NPEPPS: variants seen among roughly 807,000 people sequenced by gnomAD.
NPEPPS encodes aminopeptidase puromycin sensitive.
Under a neutral mutation model 115.5 loss-of-function variants are expected in NPEPPS, and 14 were observed. That is an observed-to-expected ratio of 0.12 (90% CI 0.08 to 0.19). The LOEUF is 0.19. Ranked by LOEUF, NPEPPS falls within the 10% of genes least tolerant of loss-of-function variation. The pLI is 1.00. For synonymous variants in NPEPPS, 285 were observed against 390.6 expected (o/e 0.73, Z 3.19); for missense variants, 523 against 1,110.8 (o/e 0.47, Z 7.52).
At chr17:47,564,601 T>G (rs1910673850) in intron 2 of NPEPPS, among the ~76,000 whole-genome samples, 2 of 150,366 alleles carry the variant, frequency 1.3e-5, no homozygotes, top group African/African-American at 4.9e-5. Context: ...TATTGCAAAC[T>G]GTATTAGTGA....
At position 47,612,540 on chromosome 17, in the gene NPEPPS, C is replaced by T. The variant is rs762616490; in HGVS notation, c.2176C>T (p.Arg726Cys). Residue 726 changes from arginine (R) to cysteine (C), a missense_variant, in exon 18 of 23, where the codon CGT becomes TGT. This residue lies in a region of NPEPPS where 372 missense variants were observed against 542.6 expected (regional missense o/e 0.69). Coordinates refer to ENST00000322157, the MANE Select transcript of NPEPPS (RefSeq NM_006310.4). Reference sequence around the variant, plus strand: ...ACATAAGGCAACGTTAGAAGAAGCCCGTCGTCGGTTTAAGGACCACGTGGA... The same window carrying T: ...ACATAAGGCAACGTTAGAAGAAGCCTGTCGTCGGTTTAAGGACCACGTGGA... Reference protein sequence around the residue: ...AGHKATLEEARRRFKDHVEGK... With the variant: ...AGHKATLEEACRRFKDHVEGK... 12 of 1,613,838 alleles carry T rather than the reference C, an allele frequency of 7.4e-6. No individual in the cohort carries two copies. In the African/African-American group the frequency reaches 1.2e-4, roughly 16 times the overall value.
intron 1 of NPEPPS, among the ~76,000 whole-genome samples, chr17:47,544,212 G>T (rs545697105): frequency 6.6e-6 from 1 of 152,008 alleles, no homozygotes; most frequent in African/African-American, 2.4e-5. Flanking sequence ...TGTATTTTTA[G>T]TGGAGATGGG....
intron 2 of NPEPPS, among the ~76,000 whole-genome samples, chr17:47,557,937 T>G (rs1302312050): frequency 2.3e-5 from 3 of 131,216 alleles, no homozygotes; most frequent in Non-Finnish European, 3.4e-5. Context: ...TGATTCCATG[T>G]TTTTTTTTTT....
At chr17:47,558,308 T>C (rs903467588) in intron 2 of NPEPPS, among the ~76,000 whole-genome samples, 87 of 151,922 alleles carry the variant, frequency 5.7e-4, no homozygotes, top group African/African-American at 2.0e-3. Flanking sequence ...TTTCTATTTT[T>C]AGTAGAGATG....
chr17:47,542,240 T>G (rs1174752250), intron 1 of NPEPPS, among the ~76,000 whole-genome samples: 1 of 152,096 alleles, frequency 6.6e-6, no homozygotes, highest in Non-Finnish European at 1.5e-5. Flanking sequence ...AATTTGTAGC[T>G]TTTTTAAAAA....
At position 47,622,457 on chromosome 17, in the gene NPEPPS, G is replaced by GA. The variant is rs1914638381; in HGVS notation, c.*539dup. On this transcript the variant is annotated 3_prime_UTR_variant, in exon 23 of 23. Coordinates refer to ENST00000322157, the MANE Select transcript of NPEPPS (RefSeq NM_006310.4). ...TTTTTTTGGCACGGGGACTGATCAG[G>GA]AAGATATATTCCTGCATAACTCAAT... The GA allele has an allele frequency of 5.4e-6, 1 of 186,718 alleles. No individual in the cohort carries two copies. The highest frequency in any genetic ancestry group is 2.4e-5 in the African/African-American group (1 of 41,190). 11.6% of individuals were successfully genotyped at this position (186,718 alleles called of 1,614,324 possible).
In NPEPPS at chr17:47,553,204, TA is replaced by T. The variant is rs911616609; in HGVS notation, c.340+7221del. Among the ~76,000 whole-genome samples, 629 of 145,186 alleles carry T rather than the reference TA, an allele frequency of 4.3e-3. 2 individuals carry two copies. Among genetic ancestry groups the T allele is most frequent in the African/African-American group, 0.015 (587 of 39,622 alleles). The stretch of plus-strand genomic sequence containing the variant: ...CAACATGGTGAAACCTCGTCTCTAC[TA>T]AAAAAAAAAGTACAAAAATTAGCTG... On this transcript the variant is annotated intron_variant, in intron 2 of 22. Transcript: ENST00000322157.
chr17:47,526,912 C>T (rs1195870275), upstream of NPEPPS, among the ~76,000 whole-genome samples: 2 of 152,066 alleles, frequency 1.3e-5, no homozygotes, highest in East Asian at 1.9e-4. Context: ...GAGCTGAGAT[C>T]GCGCCACTGC....
intron 2 of NPEPPS, among the ~76,000 whole-genome samples, chr17:47,561,145 T>G (rs1330751644): frequency 6.6e-6 from 1 of 152,162 alleles, no homozygotes; most frequent in Admixed American, 6.6e-5. Context: ...TTTTTTAATG[T>G]GGCCTCAGAA....
At chr17:47,618,271 G>T in intron 19 of NPEPPS, 79 bp from the exon 20 acceptor site, 1 of 878,382 alleles carries the variant, frequency 1.1e-6, no homozygotes, top group East Asian at 2.5e-5. Flanking sequence ...TTACCTTACT[G>T]GGGAAGAAGC....
intron 17 of NPEPPS, among the ~76,000 whole-genome samples, chr17:47,609,959 A>C (rs1913741507): frequency 6.6e-6 from 1 of 152,104 alleles, no homozygotes; most frequent in South Asian, 2.1e-4. Flanking sequence ...GTACTGCTGC[A>C]ATTCATCAGA....
chr17:47,544,121 C>T (rs1287782559), intron 1 of NPEPPS, among the ~76,000 whole-genome samples: 3 of 152,100 alleles, frequency 2.0e-5, no homozygotes, highest in African/African-American at 7.2e-5. Flanking sequence ...GTCTCGATCT[C>T]CTGACCTCAT....
chr17:47,573,069 C>T (rs1485640491), intron 3 of NPEPPS, among the ~76,000 whole-genome samples: 1 of 152,198 alleles, frequency 6.6e-6, no homozygotes, highest in Non-Finnish European at 1.5e-5. Flanking sequence ...TGCCACTGTG[C>T]CCGGCCAGAA....
chr17:47,548,214 A>G (rs534866917), intron 2 of NPEPPS: 2 of 152,334 alleles, frequency 1.3e-5, no homozygotes, highest in East Asian at 1.9e-4. Flanking sequence ...GCAGTTGAAC[A>G]TACTATTCCC....
intron 2 of NPEPPS, among the ~76,000 whole-genome samples, chr17:47,556,109 GGGTGTTTCTT>G (rs1910009741): frequency 7.3e-6 from 1 of 136,440 alleles, no homozygotes; most frequent in Non-Finnish European, 1.6e-5. Context: ...CATCATTCTT[GGGTGTTTCTT>G]GCAGAGGGGG....
At chr17:47,572,856 G>A (rs1459401217) in intron 3 of NPEPPS, among the ~76,000 whole-genome samples, 1 of 152,106 alleles carries the variant, frequency 6.6e-6, no homozygotes, top group Admixed American at 6.6e-5. Context: ...GCTCACCACA[G>A]CCTCCACCTC....
chr17:47,539,528 T>G (rs940640505), intron 1 of NPEPPS, among the ~76,000 whole-genome samples: 3 of 151,602 alleles, frequency 2.0e-5, no homozygotes, highest in African/African-American at 7.3e-5. Context: ...ATGCTTTTTT[T>G]GGGGGGGGAA....
chr17:47,558,540 C>T (rs1280712102), intron 2 of NPEPPS, among the ~76,000 whole-genome samples: 1 of 152,012 alleles, frequency 6.6e-6, no homozygotes, highest in African/African-American at 2.4e-5. Flanking sequence ...AGCGATTCTC[C>T]TGTTTCAGCC....
chr17:47,618,814 A>G (rs192808536), intron 20 of NPEPPS, among the ~76,000 whole-genome samples, 195 bp from the exon 21 acceptor site: 2 of 152,362 alleles, frequency 1.3e-5, no homozygotes, highest in African/African-American at 4.8e-5. Flanking sequence ...AACCTGTCTC[A>G]GTACCTCATT....
Sources: allele counts gnomAD v4.1 joint callset (sites outside exome capture counted in the v4.1 genomes callset), GRCh38; gene constraint gnomAD v4.1.1; regional missense constraint gnomAD v4.1.1; transcripts MANE v1.5; gene names NCBI Gene and HGNC (gene_info 2026-07-23, HGNC 2026-07-21).